The following NF1 variants were observed in gnomAD, a reference collection of about 807,000 sequenced individuals.
NF1 encodes neurofibromin.
NF1 carries 122 observed loss-of-function variants against 325.7 expected under a neutral mutation model. That is an observed-to-expected ratio of 0.37 (90% CI 0.32 to 0.44). The LOEUF (loss-of-function observed/expected upper bound fraction) is 0.44, where lower values mean the gene tolerates loss of function less well. Ranked by LOEUF, NF1 falls within the 20% of genes least tolerant of loss-of-function variation. The pLI is 1.00. For synonymous variants in NF1, 1,091 were observed against 1,186.0 expected (o/e 0.92, Z 1.65); for missense variants, 2,140 against 3,415.4 (o/e 0.63, Z 9.31).
At chr17:31,337,145 G>C (rs1473848100) in intron 42 of NF1, among the ~76,000 whole-genome samples, 2 of 152,194 alleles carry the variant, frequency 1.3e-5, no homozygotes, top group East Asian at 1.9e-4. Flanking sequence ...TCCCATAAGC[G>C]GAATACTCAG....
chr17:31,261,267 T>A (rs1045998459), intron 34 of NF1, among the ~76,000 whole-genome samples: 17 of 150,228 alleles, frequency 1.1e-4, no homozygotes, highest in African/African-American at 2.4e-4. Context: ...AAAAAAAAAA[T>A]ACTTAAAAAT....
chr17:31,188,402 C>T (rs1397147428), intron 8 of NF1, among the ~76,000 whole-genome samples: 1 of 152,110 alleles, frequency 6.6e-6, no homozygotes, highest in Non-Finnish European at 1.5e-5. Context: ...GACTTCACAT[C>T]AGCATTTTAA....
chr17:31,361,946 C>T (rs2070410599), intron 57 of NF1, among the ~76,000 whole-genome samples: 1 of 152,090 alleles, frequency 6.6e-6, no homozygotes, highest in African/African-American at 2.4e-5. Context: ...TTTTTTCCCC[C>T]AGAAGTAAGA....
chr17:31,295,843 G>A, intron 36 of NF1: 1 of 1,614,172 alleles, frequency 6.2e-7, no homozygotes, highest in Non-Finnish European at 8.5e-7. Context: ...AGGGCATGTT[G>A]GTTGGAACTG....
rs372075322 is a variant in NF1 at position 31,330,506 on chromosome 17, A to G, written c.5812+8A>G. ...CTGGATTTAGCAAATCTAGTAAGTAATGATAATTTTCTTTAATACTAACAA... is the reference window on the plus strand; with the variant it reads ...CTGGATTTAGCAAATCTAGTAAGTAGTGATAATTTTCTTTAATACTAACAA... On this transcript the variant is annotated splice_region_variant and intron_variant, in intron 39 of 57. Transcript: ENST00000358273. 4.1e-5 allele frequency: 65 copies of G among 1,587,044 alleles called. No individual in the cohort carries two copies. Among genetic ancestry groups the G allele is most frequent in the Non-Finnish European group, 1.1e-5 (13 of 1,156,026 alleles).
chr17:31,252,775 C>G (rs984431478), intron 30 of NF1, 163 bp from the exon 31 acceptor site: 3 of 629,748 alleles, frequency 4.8e-6, no homozygotes, highest in African/African-American at 1.8e-5. Flanking sequence ...AAATTAAAAC[C>G]CAGAATTAAA....
chr17:31,166,991 AG>A (rs1215166379), intron 4 of NF1, among the ~76,000 whole-genome samples: 8 of 152,238 alleles, frequency 5.3e-5, no homozygotes, highest in Middle Eastern at 6.8e-3. Context: ...TAGCTGTTTT[AG>A]TGATAGGTTT....
Position 31,326,169 on chromosome 17 carries a change from G to C in NF1, c.5185G>C (p.Ala1729Pro). ...IEHEQQKLPA[A>P]TLALEEDLKV... is the part of the protein sequence containing the mutation. ...GCATGAACAACAGAAACTACCTGCT[G>C]CCACCTTGGCTTTAGAAGAGGACCT... is the stretch of plus-strand genomic sequence containing the variant. Residue 1729 changes from alanine to proline, a missense_variant, in exon 37 of 58, where the codon GCC (alanine) becomes CCC (proline). Physicochemically the swap from Ala to Pro is conservative, Grantham distance 27 (BLOSUM62 -1). This residue lies in a region of NF1 where 147 missense variants were observed against 186.7 expected (regional missense o/e 0.79). Coordinates refer to ENST00000358273, the MANE Select transcript of NF1 (RefSeq NM_001042492.3). 1 of 1,613,080 alleles carries C rather than the reference G, an allele frequency of 6.2e-7. No homozygotes were observed. The highest frequency in any genetic ancestry group is 8.5e-7 in the Non-Finnish European group (1 of 1,179,552).
At chr17:31,162,673 A>G (rs754935129) in intron 3 of NF1, among the ~76,000 whole-genome samples, 1 of 152,222 alleles carries the variant, frequency 6.6e-6, no homozygotes, top group Non-Finnish European at 1.5e-5. Flanking sequence ...GGGGTGAAGT[A>G]TTCTATTTAT....
chr17:31,142,073 G>A (rs1916259310), intron 1 of NF1, among the ~76,000 whole-genome samples: 1 of 152,176 alleles, frequency 6.6e-6, no homozygotes, highest in African/African-American at 2.4e-5. Flanking sequence ...GTGACCTTTT[G>A]AAGAATTTTC....
At chr17:31,158,722 A>G (rs554197363) in intron 2 of NF1, among the ~76,000 whole-genome samples, 80 of 152,288 alleles carry the variant, frequency 5.3e-4, no homozygotes, top group African/African-American at 1.8e-3. Flanking sequence ...GTACAGGTCT[A>G]TATGTGTGTC....
intron 12 of NF1, 124 bp downstream of exon 12, chr17:31,206,495 T>C (rs2066626107): frequency 9.3e-7 from 1 of 1,078,522 alleles, no homozygotes; most frequent in Non-Finnish European, 1.4e-6. Flanking sequence ...TTCCTCTAAA[T>C]GTTGTGGTAT....
At chr17:31,182,438 T>C in intron 7 of NF1, 70 bp from the exon 8 acceptor site, 1 of 1,507,848 alleles carries the variant, frequency 6.6e-7, no homozygotes, top group Non-Finnish European at 9.1e-7. Context: ...TTACATAGTG[T>C]CAGCTTTTAC....
intron 11 of NF1, among the ~76,000 whole-genome samples, chr17:31,204,618 T>C (rs2066588597): frequency 6.6e-6 from 1 of 152,024 alleles, no homozygotes; most frequent in Admixed American, 6.6e-5. Flanking sequence ...AATTACTAAA[T>C]CTTAAGCCTA....
chr17:31,136,926 G>A (rs1915829921), intron 1 of NF1: 1 of 152,114 alleles, frequency 6.6e-6, no homozygotes, highest in Admixed American at 6.5e-5. Context: ...GGAGACTACT[G>A]TATCTTTATT....
At chr17:31,313,303 G>A (rs1340648292) in intron 36 of NF1, among the ~76,000 whole-genome samples, 1 of 152,054 alleles carries the variant, frequency 6.6e-6, no homozygotes, top group Middle Eastern at 3.2e-3. Context: ...TTAATATTTT[G>A]GAGGTTATAA....
intron 36 of NF1, among the ~76,000 whole-genome samples, chr17:31,312,670 T>C (rs893276378): frequency 2.0e-5 from 3 of 152,062 alleles, no homozygotes; most frequent in African/African-American, 7.2e-5. Flanking sequence ...ATATTAGAAG[T>C]AGAAAAATAT....
At chr17:31,198,379 A>G (rs1473433167) in intron 8 of NF1, among the ~76,000 whole-genome samples, 4 of 152,194 alleles carry the variant, frequency 2.6e-5, no homozygotes, top group Non-Finnish European at 4.4e-5. Flanking sequence ...AGTGAAAGCT[A>G]TCTGGTCCTA....
rs192815726 is a variant in NF1 at position 31,229,637 on chromosome 17, T to G, written c.2850+172T>G. 35 of 969,190 alleles carry G rather than the reference T, an allele frequency of 3.6e-5. No homozygotes were observed. The African/African-American group carries it at 5.2e-4, about 14-fold the overall frequency. The allele number at this position is 969,190 out of a possible 1,614,324, so 60.0% of individuals were successfully genotyped here. On this transcript the variant is annotated intron_variant, in intron 21 of 57. Transcript: ENST00000358273. Reference sequence around the variant, plus strand: ...AGGGGTCAGCTTGCCTCTTAGGAACTCTGGTGTGTATGTGTGCCTAAGGGT... The same window carrying G: ...AGGGGTCAGCTTGCCTCTTAGGAACGCTGGTGTGTATGTGTGCCTAAGGGT...
Sources: gnomAD v4.1 joint callset for allele counts (sites outside exome capture counted in the v4.1 genomes callset) on GRCh38, gnomAD v4.1.1 for gene constraint, gnomAD v4.1.1 regional missense constraint, MANE v1.5 for transcripts, NCBI Gene and HGNC (gene_info 2026-07-23, HGNC 2026-07-21) for gene names.